The following RGS6 variants were observed in gnomAD, a reference collection of about 807,000 sequenced individuals.
RGS6 encodes regulator of G-protein signaling 6.
A neutral mutation model predicts 78.5 loss-of-function variants in RGS6; 30 were observed. That is an observed-to-expected ratio of 0.38 (90% CI 0.29 to 0.52). The LOEUF (loss-of-function observed/expected upper bound fraction) is 0.52, where lower values mean the gene tolerates loss of function less well. RGS6 is among the 20% of genes least tolerant of loss of function. RGS6 has a pLI of 0.85. For missense variants in RGS6, 495 were observed against 609.7 expected, an observed-to-expected ratio of 0.81 and a Z score of 1.98; for synonymous variants, 206 against 206.0, an observed-to-expected ratio of 1.00 and a Z score of 0.00.
chr14:72,558,521 G>T (rs1182368423), intron 17 of RGS6, among the ~76,000 whole-genome samples: 1 of 152,210 alleles, frequency 6.6e-6, no homozygotes, highest in Non-Finnish European at 1.5e-5. Context: ...CAGAGCCACA[G>T]CATGTCAAGC....
chr14:72,088,566 T>G (rs998907660), intron 2 of RGS6, among the ~76,000 whole-genome samples: 2 of 152,204 alleles, frequency 1.3e-5, no homozygotes, highest in African/African-American at 4.8e-5. Context: ...TTCGGATAAC[T>G]ATGAGATTTT....
the RGS6 span, among the ~76,000 whole-genome samples, chr14:72,605,448 C>T: frequency 1.3e-5 from 2 of 152,210 alleles, no homozygotes; most frequent in African/African-American, 2.4e-5. Context: ...TATCACAGAA[C>T]GAGCATTAAC....
chr14:72,417,018 T>C (rs1326937368), intron 3 of RGS6, among the ~76,000 whole-genome samples: 2 of 152,198 alleles, frequency 1.3e-5, no homozygotes, highest in African/African-American at 4.8e-5. Flanking sequence ...CTACTATGAT[T>C]ACCGTCCCTG....
intron 3 of RGS6, among the ~76,000 whole-genome samples, chr14:72,385,134 C>T (rs148567755): frequency 9.0e-4 from 137 of 152,240 alleles, no homozygotes; most frequent in African/African-American, 3.0e-3. Flanking sequence ...CCTTGCTTGC[C>T]ATGTCGTTTA....
In RGS6 at chr14:72,504,716, T is replaced by TCTCCCCTCCC. The variant is rs983588007; in HGVS notation, c.966-5433_966-5424dup. On this transcript the variant is annotated intron_variant, in intron 13 of 17. Coordinates refer to ENST00000553525, the MANE Select transcript of RGS6 (RefSeq NM_001204424.2). ...AGCAGTTTAGGTTCCTCTCCCCTCC[T>TCTCCCCTCCC]CTCCCCTCCCCTCCTCTCCCCTTCC... 9.3e-5 allele frequency among the ~76,000 whole-genome samples: 14 copies of TCTCCCCTCCC among 149,872 alleles called. No homozygotes were observed. In the South Asian group the frequency reaches 2.6e-3, roughly 28 times the overall value.
At chr14:72,357,540 T>C (rs929261037) in intron 3 of RGS6, among the ~76,000 whole-genome samples, 1 of 152,216 alleles carries the variant, frequency 6.6e-6, no homozygotes, top group Non-Finnish European at 1.5e-5. Flanking sequence ...TGTTAGGAAC[T>C]GGAGCAAAGA....
At chr14:72,294,821 A>G (rs1429087792) in intron 2 of RGS6, among the ~76,000 whole-genome samples, 2 of 152,192 alleles carry the variant, frequency 1.3e-5, no homozygotes, top group African/African-American at 2.4e-5. Context: ...ATCCACCACT[A>G]TGATCCAATC....
rs188075731 is a variant in RGS6, at chr14:72,072,601, T to G, written c.84+107726T>G. ...TGGGATTACAGGTGTGAGCCACTGT[T>G]CTTGGCTGTTTGTGTTTTATATTAG... On this transcript the variant is annotated intron_variant, in intron 2 of 17. Transcript: ENST00000553525. 3.7e-3 allele frequency among the ~76,000 whole-genome samples: 569 copies of G among 152,186 alleles called. 1 individual carries two copies. The highest frequency in any genetic ancestry group is 0.013 in the African/African-American group (556 of 41,528).
intron 2 of RGS6, among the ~76,000 whole-genome samples, chr14:72,120,179 T>G (rs1272366451): frequency 1.3e-5 from 2 of 152,242 alleles, no homozygotes; most frequent in African/African-American, 4.8e-5. Flanking sequence ...ATTTAAACCA[T>G]GGAATATTTT....
chr14:72,163,853 A>G (rs1160616572), intron 2 of RGS6, among the ~76,000 whole-genome samples: 1 of 149,894 alleles, frequency 6.7e-6, no homozygotes, highest in Non-Finnish European at 1.5e-5. Flanking sequence ...ACTGCACTCC[A>G]GCCTGGGCAA....
chr14:72,090,603 C>T (rs1026641683), intron 2 of RGS6, among the ~76,000 whole-genome samples: 2 of 152,182 alleles, frequency 1.3e-5, no homozygotes, highest in African/African-American at 4.8e-5. Flanking sequence ...CCCCACTATC[C>T]ATGGACAAAT....
At chr14:72,261,760 T>C (rs943337913) in intron 2 of RGS6, among the ~76,000 whole-genome samples, 1 of 152,180 alleles carries the variant, frequency 6.6e-6, no homozygotes, top group African/African-American at 2.4e-5. Context: ...TGCTTCTTGT[T>C]CAAAATTGAA....
the RGS6 span, among the ~76,000 whole-genome samples, chr14:72,588,783 C>CT: frequency 6.6e-6 from 1 of 152,138 alleles, no homozygotes; most frequent in Non-Finnish European, 1.5e-5. Flanking sequence ...TTGTTACCCC[C>CT]TTGTGATTTA....
intron 2 of RGS6, among the ~76,000 whole-genome samples, chr14:72,336,406 A>G (rs2076036033): frequency 1.3e-5 from 2 of 152,090 alleles, no homozygotes; most frequent in Admixed American, 1.3e-4. Flanking sequence ...TTGAAGTACT[A>G]TATGTTGTGT....
the RGS6 span, among the ~76,000 whole-genome samples, chr14:71,912,407 A>G: frequency 8.0e-4 from 122 of 152,232 alleles, no homozygotes; most frequent in Middle Eastern, 6.8e-3. Flanking sequence ...ATTTTTGGTG[A>G]CCATCGTGTT....
intron 2 of RGS6, among the ~76,000 whole-genome samples, chr14:71,989,331 C>A (rs1242284584): frequency 6.6e-6 from 1 of 152,236 alleles, no homozygotes; most frequent in Admixed American, 6.5e-5. Context: ...CTGGAAGGAA[C>A]AAGACAACCA....
intron 2 of RGS6, among the ~76,000 whole-genome samples, chr14:72,344,031 T>C (rs1423381951): frequency 1.3e-5 from 2 of 152,154 alleles, no homozygotes; most frequent in African/African-American, 4.8e-5. Flanking sequence ...CCACTTACAT[T>C]GCAAAGCAAA....
At chr14:72,331,872 C>T (rs190401020) in intron 2 of RGS6, among the ~76,000 whole-genome samples, 146 of 152,262 alleles carry the variant, frequency 9.6e-4, no homozygotes, top group Admixed American at 3.6e-3. Flanking sequence ...TTCATGTCTG[C>T]GATACTTTGT....
intron 2 of RGS6, among the ~76,000 whole-genome samples, chr14:72,114,143 G>A (rs2095836442): frequency 6.6e-6 from 1 of 152,210 alleles, no homozygotes; most frequent in Non-Finnish European, 1.5e-5. Flanking sequence ...TACTCAGGTA[G>A]GGTGGATGTA....
Sources: allele counts gnomAD v4.1 joint callset (sites outside exome capture counted in the v4.1 genomes callset), GRCh38; gene constraint gnomAD v4.1.1; transcripts MANE v1.5; gene names NCBI Gene and HGNC (gene_info 2026-07-23, HGNC 2026-07-21).